KCNQ5: variants seen among roughly 807,000 people sequenced by gnomAD.
KCNQ5 encodes the protein potassium voltage-gated channel subfamily KQT member 5.
In KCNQ5, 30 loss-of-function variants were observed where a neutral mutation model predicts 98.2. The observed-to-expected ratio is 0.31, with a 90% CI of 0.23 to 0.41. The LOEUF is 0.41. Among genes scored for constraint, KCNQ5 ranks in the 10% least tolerant of loss-of-function variants. KCNQ5 has a pLI of 1.00. For synonymous variants in KCNQ5, 458 were observed against 449.4 expected, an observed-to-expected ratio of 1.02 and a Z score of -0.24; for missense variants, 835 against 1,182.5, an observed-to-expected ratio of 0.71 and a Z score of 4.31.
chr6:72,870,826 C>T (rs544397353), intron 1 of KCNQ5, among the ~76,000 whole-genome samples: 12 of 152,198 alleles, frequency 7.9e-5, no homozygotes, highest in African/African-American at 2.6e-4. Flanking sequence ...TTATGTATGT[C>T]ATCATGATAA....
At chr6:72,915,928 G>A (rs1780118589) in intron 1 of KCNQ5, among the ~76,000 whole-genome samples, 2 of 152,080 alleles carry the variant, frequency 1.3e-5, no homozygotes, top group Admixed American at 1.3e-4. Context: ...ATCATAATCA[G>A]TACCAAAATT....
chr6:73,190,142 G>A (rs1249690397), intron 11 of KCNQ5, among the ~76,000 whole-genome samples: 1 of 151,430 alleles, frequency 6.6e-6, no homozygotes, highest in Non-Finnish European at 1.5e-5. Flanking sequence ...AGAGTGTTTT[G>A]CAAACACATT....
intron 10 of KCNQ5, among the ~76,000 whole-genome samples, chr6:73,140,168 A>G (rs1019740980): frequency 3.9e-5 from 6 of 152,182 alleles, no homozygotes; most frequent in African/African-American, 1.4e-4. Flanking sequence ...TTTTCTTCCA[A>G]GCAGTATAAA....
intron 1 of KCNQ5, among the ~76,000 whole-genome samples, chr6:72,969,767 C>A (rs181727866): frequency 2.0e-5 from 3 of 151,858 alleles, no homozygotes; most frequent in African/African-American, 7.3e-5. Flanking sequence ...TCAACTATTG[C>A]GGCTCTTTCC....
At chr6:72,943,743 T>G (rs1562084246) in intron 1 of KCNQ5, among the ~76,000 whole-genome samples, 1 of 152,158 alleles carries the variant, frequency 6.6e-6, no homozygotes, top group African/African-American at 2.4e-5. Context: ...GGAAGTTACT[T>G]CTCTGGGCAT....
chr6:72,854,637 C>T (rs1777440959), intron 1 of KCNQ5, among the ~76,000 whole-genome samples: 2 of 150,920 alleles, frequency 1.3e-5, no homozygotes, highest in South Asian at 2.1e-4. Flanking sequence ...GCTTTCTATT[C>T]ATCTTTTTTA....
At chr6:73,147,375 C>T (rs1297303501) in intron 10 of KCNQ5, among the ~76,000 whole-genome samples, 2 of 151,994 alleles carry the variant, frequency 1.3e-5, no homozygotes, top group Non-Finnish European at 1.5e-5. Flanking sequence ...TTTGTCTTCC[C>T]TTCTTCCAGT....
intron 3 of KCNQ5, among the ~76,000 whole-genome samples, chr6:73,060,520 A>G (rs1772729809): frequency 6.6e-6 from 1 of 152,148 alleles, no homozygotes; most frequent in South Asian, 2.1e-4. Flanking sequence ...TCTAATTATA[A>G]CTAAAAATAC....
chr6:72,685,069 A>T (rs540580625), intron 1 of KCNQ5, among the ~76,000 whole-genome samples: 1 of 152,310 alleles, frequency 6.6e-6, no homozygotes, highest in South Asian at 2.1e-4. Flanking sequence ...AGAAAGAGAA[A>T]AGGGCCCTTA....
intron 1 of KCNQ5, among the ~76,000 whole-genome samples, chr6:72,655,408 A>C (rs1300907626): frequency 6.6e-6 from 1 of 152,162 alleles, no homozygotes; most frequent in Admixed American, 6.6e-5. Flanking sequence ...GAATCTGTCC[A>C]TCACAGTGAG....
In KCNQ5 at chr6:72,744,974, G is replaced by A. The variant is rs534974577; in HGVS notation, c.398+122387G>A. Reference sequence around the variant, plus strand: ...TGGATATGGATTTATGGACAGGGAAGGATGATCTATAATACAGAGAAGTAT... The same window carrying A: ...TGGATATGGATTTATGGACAGGGAAAGATGATCTATAATACAGAGAAGTAT... On this transcript the variant is annotated intron_variant, in intron 1 of 13. Transcript: ENST00000370398. Among the ~76,000 whole-genome samples, 215 of 152,188 alleles carry A rather than the reference G, an allele frequency of 1.4e-3. No individual in the cohort carries two copies. In the Middle Eastern group the frequency reaches 0.017, roughly 12 times the overall value.
intron 1 of KCNQ5, among the ~76,000 whole-genome samples, chr6:72,859,204 G>T (rs1777657461): frequency 6.6e-6 from 1 of 151,920 alleles, no homozygotes; most frequent in Admixed American, 6.6e-5. Flanking sequence ...AATATTTGAA[G>T]TTTTATTATA....
chr6:73,120,235 G>C (rs1488330115), intron 7 of KCNQ5, among the ~76,000 whole-genome samples: 2 of 152,166 alleles, frequency 1.3e-5, no homozygotes, highest in South Asian at 2.1e-4. Context: ...AACAGAGTGA[G>C]AGTCCATCTC....
chr6:73,027,733 AT>A (rs1770955044), intron 2 of KCNQ5, among the ~76,000 whole-genome samples: 1 of 152,208 alleles, frequency 6.6e-6, no homozygotes, highest in African/African-American at 2.4e-5. Context: ...CTTTTAATAA[AT>A]AATACAAAAA....
rs184696620 is a variant in KCNQ5 at position 73,093,322 on chromosome 6, G to T, written c.919-11935G>T. Among the ~76,000 whole-genome samples the T allele has an allele frequency of 2.0e-5, 3 of 152,080 alleles. No homozygotes were observed. The South Asian group carries it at 6.2e-4, about 32-fold the overall frequency. On this transcript the variant is annotated intron_variant, in intron 5 of 13. Transcript: ENST00000370398. ...CTTTTTATGGTTAATCTTGCTAACGGTCTATCAATTTTATTCATTTTTAAA... is the reference window on the plus strand; with the variant it reads ...CTTTTTATGGTTAATCTTGCTAACGTTCTATCAATTTTATTCATTTTTAAA...
intron 1 of KCNQ5, among the ~76,000 whole-genome samples, chr6:72,726,280 G>A (rs1046774089): frequency 1.3e-5 from 2 of 148,646 alleles, no homozygotes; most frequent in Admixed American, 6.8e-5. Flanking sequence ...GCGCGATCTC[G>A]GCTCACTGCA....
intron 1 of KCNQ5, among the ~76,000 whole-genome samples, chr6:72,826,756 A>G (rs1442664827): frequency 6.6e-6 from 1 of 152,156 alleles, no homozygotes; most frequent in Admixed American, 6.5e-5. Context: ...GCTATTTGAA[A>G]CAATATAATA....
intron 2 of KCNQ5, among the ~76,000 whole-genome samples, chr6:73,029,165 T>A (rs1771021089): frequency 6.6e-6 from 1 of 152,024 alleles, no homozygotes; most frequent in Admixed American, 6.6e-5. Flanking sequence ...CAAATAAGAG[T>A]GATGGCTTAT....
intron 6 of KCNQ5, among the ~76,000 whole-genome samples, chr6:73,108,110 T>C (rs1294880542): frequency 1.3e-5 from 2 of 152,118 alleles, no homozygotes; most frequent in Non-Finnish European, 2.9e-5. Flanking sequence ...AGAGCCTTTC[T>C]CCATCTTACC....
Sources: allele counts gnomAD v4.1 joint callset (sites outside exome capture counted in the v4.1 genomes callset), GRCh38; gene constraint gnomAD v4.1.1; transcripts MANE v1.5; gene names NCBI Gene and HGNC (gene_info 2026-07-23, HGNC 2026-07-21).